The following CFAP65 variants were observed in gnomAD, a reference collection of about 807,000 sequenced individuals.
CFAP65 encodes cilia- and flagella-associated protein 65.
CFAP65 carries 155 observed loss-of-function variants against 208.0 expected under a neutral mutation model. The observed-to-expected ratio is 0.75, with a 90% CI of 0.65 to 0.85. CFAP65 has a LOEUF of 0.85. Among genes scored for constraint, CFAP65 ranks in the 40% least tolerant of loss-of-function variants. The probability of loss-of-function intolerance (pLI) is 0.00; values close to 1 mark genes in which losing one functional copy is unlikely to be tolerated. For missense variants in CFAP65, 2,294 were observed against 2,451.3 expected (o/e 0.94, Z 1.36); for synonymous variants, 970 against 986.3 (o/e 0.98, Z 0.31).
At chr2:219,026,229 C>G (rs1574613922) in intron 13 of CFAP65, 70 bp from the exon 14 acceptor site, 2 of 1,525,686 alleles carry the variant, frequency 1.3e-6, no homozygotes, top group East Asian at 4.6e-5. Flanking sequence ...CCCATTTTGC[C>G]CCTCCTTGCC....
intron 21 of CFAP65, 40 bp downstream of exon 21, chr2:219,019,010 CT>C (rs1559134247): frequency 6.2e-7 from 1 of 1,613,534 alleles, no homozygotes; most frequent in Middle Eastern, 1.7e-4. Context: ...CCTCTAGGCA[CT>C]TGTCTCCCAG....
chr2:219,028,465 G>C (rs1947807328), intron 11 of CFAP65, 64 bp from the exon 12 acceptor site: 14 of 1,419,750 alleles, frequency 9.9e-6, no homozygotes, highest in Non-Finnish European at 1.4e-5. Context: ...GGGTGCTGGG[G>C]GTTGAACTGA....
intron 14 of CFAP65, among the ~76,000 whole-genome samples, chr2:219,024,743 C>T (rs1055200626): frequency 6.6e-6 from 1 of 152,066 alleles, no homozygotes; most frequent in Admixed American, 6.5e-5. Context: ...CAAGACCAGC[C>T]TGGCCAATAT....
chr2:219,012,969 T>C (rs1008158292), intron 24 of CFAP65, among the ~76,000 whole-genome samples: 3 of 152,224 alleles, frequency 2.0e-5, no homozygotes, highest in Admixed American at 6.5e-5. Flanking sequence ...AATATATTAG[T>C]ATGGTTCATG....
intron 26 of CFAP65, among the ~76,000 whole-genome samples, 170 bp downstream of exon 26, chr2:219,010,376 G>T (rs1045139691): frequency 5.9e-5 from 9 of 152,146 alleles, no homozygotes; most frequent in African/African-American, 2.2e-4. Context: ...TGGAGCTGGT[G>T]CTGCCTCCTG....
Position 219,022,297 on chromosome 2 carries a change from C to A in CFAP65, c.2853G>T (p.Glu951Asp). 6.2e-7 allele frequency: 1 copy of A among 1,607,030 alleles called. No homozygotes were observed. Among genetic ancestry groups the A allele is most frequent in the Non-Finnish European group, 8.5e-7 (1 of 1,176,954 alleles). Residue 951 changes from glutamate to aspartate, a missense_variant, in exon 17 of 35, where the codon GAG (glutamate) becomes GAT (aspartate). Transcript: ENST00000341552. The stretch of plus-strand genomic sequence containing the variant: ...TCCCCACTTGGAACAGGTACTTGGT[C>A]TCCTCCAAAGGGCTGAAGGTCCACG... ...TLTWTFSPLE[E>D]TKYLFQVGMW... is the part of the protein sequence containing the mutation.
Position 219,025,908 on chromosome 2 carries a change from A to G in CFAP65, c.2349+114T>C, listed in dbSNP as rs189331696. 1.1e-4 allele frequency: 147 copies of G among 1,321,196 alleles called. No individual in the cohort carries two copies. In the East Asian group the frequency reaches 2.9e-3, roughly 26 times the overall value. The allele number at this position is 1,321,196 out of a possible 1,614,324, so 81.8% of individuals were successfully genotyped here. ...ACAGCGGACGTGGGGACAGCCAGGG[A>G]GGGTGCAAAGATGTGTTTCTGAGGC... is the stretch of plus-strand genomic sequence containing the variant. On this transcript the variant is annotated intron_variant, in intron 14 of 34. Transcript: ENST00000341552.
intron 2 of CFAP65, 146 bp downstream of exon 2, chr2:219,040,373 G>T: frequency 3.2e-5 from 20 of 623,766 alleles, no homozygotes; most frequent in Non-Finnish European, 4.8e-5. Flanking sequence ...GGAAGATTCT[G>T]TTGACCCTGG....
At chr2:219,028,667 C>T (rs973504999) in intron 11 of CFAP65, among the ~76,000 whole-genome samples, 2 of 152,088 alleles carry the variant, frequency 1.3e-5, no homozygotes, top group African/African-American at 4.8e-5. Context: ...GGCCCCTGGG[C>T]ATTCTCCCAC....
intron 19 of CFAP65, among the ~76,000 whole-genome samples, chr2:219,019,932 C>G (rs1357788189): frequency 6.6e-6 from 1 of 152,220 alleles, no homozygotes; most frequent in Non-Finnish European, 1.5e-5. Context: ...GTGCCTTATA[C>G]ACATGCCTGC....
At chr2:219,029,342 T>A in intron 11 of CFAP65, 61 bp downstream of exon 11, 3 of 1,561,354 alleles carry the variant, frequency 1.9e-6, no homozygotes, top group South Asian at 2.4e-5. Flanking sequence ...AGCCTTGTCA[T>A]CATCAGTGGG....
Position 219,027,677 on chromosome 2 carries a change from C to G in CFAP65, c.2184G>C (p.Val728=). The part of the protein sequence containing the change: ...QPPHPNCLYT[V]ELEAFAIYKV... ...TATAGATGGCGAAGGCTTCGAGCTC[C>G]ACCGTGTAAAGGCAGTTGGGGTGAG... The change falls in exon 13 of 35, where the codon GTG becomes GTC. Residue 728 remains valine, a synonymous_variant. Coordinates refer to ENST00000341552, the MANE Select transcript of CFAP65 (RefSeq NM_194302.4). The G allele has an allele frequency of 1.2e-6, 2 of 1,614,008 alleles. No individual in the cohort carries two copies. The highest frequency in any genetic ancestry group is 8.5e-7 in the Non-Finnish European group (1 of 1,180,032).
intron 21 of CFAP65, among the ~76,000 whole-genome samples, chr2:219,016,289 CTTT>C (rs5838714): frequency 4.7e-5 from 4 of 85,568 alleles, no homozygotes; most frequent in East Asian, 3.9e-4. Context: ...AGTCTCCCTC[CTTT>C]TTTTTTTTTT....
At chr2:219,014,179 C>A (rs908162493) in intron 21 of CFAP65, 135 bp from the exon 22 acceptor site, 2 of 658,098 alleles carry the variant, frequency 3.0e-6, no homozygotes, top group Non-Finnish European at 4.8e-6. Flanking sequence ...GGCAAACTGT[C>A]CCATGTGTGC....
In CFAP65 at chr2:219,027,367, T is replaced by C. The variant is rs1425619514; in HGVS notation, c.2211+283A>G. On this transcript the variant is annotated intron_variant, in intron 13 of 34. Coordinates refer to ENST00000341552, the MANE Select transcript of CFAP65 (RefSeq NM_194302.4). ...CCTCCTAGCCAGGAGCCCCAGGGAGTATCTCCCTGTGCACCCAGTTTTCCC... is the reference window on the plus strand; with the variant it reads ...CCTCCTAGCCAGGAGCCCCAGGGAGCATCTCCCTGTGCACCCAGTTTTCCC... The C allele has an allele frequency of 3.4e-6, 5 of 1,457,088 alleles. No homozygotes were observed. The African/African-American group carries it at 7.2e-5, about 21-fold the overall frequency. The allele number at this position is 1,457,088 out of a possible 1,614,324, so 90.3% of individuals were successfully genotyped here. A position where few individuals can be genotyped will look rare whatever the true frequency, so the allele number is the denominator to read the frequency against.
At position 219,031,728 on chromosome 2, in the gene CFAP65, C is replaced by T. The variant is rs1422517199; in HGVS notation, c.646-70G>A. On this transcript the variant is annotated intron_variant, in intron 6 of 34. Transcript: ENST00000341552. The surrounding 1 kb of genome is among the most constrained non-coding windows in gnomAD (Gnocchi z 5.2). ...TCAGGGACTGCACATCCCGCCCACC[C>T]TCAGCCACCCCCAACACAACCGCTG... is the stretch of plus-strand genomic sequence containing the variant. The T allele has an allele frequency of 4.6e-6, 7 of 1,530,868 alleles. No homozygotes were observed. The African/African-American group carries it at 9.6e-5, about 21-fold the overall frequency. 94.8% of individuals were successfully genotyped at this position (1,530,868 alleles called of 1,614,324 possible).
Position 219,009,335 on chromosome 2 carries a change from G to T in CFAP65, c.4566+12C>A. On this transcript the variant is annotated intron_variant, in intron 28 of 34. Coordinates refer to ENST00000341552, the MANE Select transcript of CFAP65 (RefSeq NM_194302.4). ...GCCTCCATCCCACTTTACCCCTGGG[G>T]CTGGTTCCTACCTTGCATACCAGGT... is the stretch of plus-strand genomic sequence containing the variant. 6.3e-7 allele frequency: 1 copy of T among 1,598,972 alleles called. No individual in the cohort carries two copies. Among genetic ancestry groups the T allele is most frequent in the Non-Finnish European group, 8.6e-7 (1 of 1,167,450 alleles).
rs1445622444 is a variant in CFAP65, at chr2:219,032,758, CCT to C, written c.543-188_543-187del. Among the ~76,000 whole-genome samples, 1 of 151,438 alleles carries C rather than the reference CCT, an allele frequency of 6.6e-6. No homozygotes were observed. Among genetic ancestry groups the C allele is most frequent in the Middle Eastern group, 3.2e-3 (1 of 314 alleles). On this transcript the variant is annotated intron_variant, in intron 5 of 34. Transcript: ENST00000341552. This position sits in a 1 kb window ranked among gnomAD's most constrained non-coding sequence, Gnocchi z 5.5. ...TGGTCACAAGAGGACCCACCCTCCT[CCT>C]CCCCCTCCTATTCTCAGAGATCTTC...
At chr2:219,014,111 G>A in intron 21 of CFAP65, 67 bp from the exon 22 acceptor site, 1 of 1,406,634 alleles carries the variant, frequency 7.1e-7, no homozygotes, top group Non-Finnish European at 9.6e-7. Flanking sequence ...GGGGCTCTGA[G>A]ACCCTGATGG....
Sources: gnomAD v4.1 joint callset for allele counts (sites outside exome capture counted in the v4.1 genomes callset) on GRCh38, gnomAD v4.1.1 for gene constraint, Gnocchi (gnomAD v3.1) non-coding constraint, MANE v1.5 for transcripts, NCBI Gene and HGNC (gene_info 2026-07-23, HGNC 2026-07-21) for gene names.